Variants in ZNF676 observed in about 807,000 individuals in gnomAD.
The protein encoded by ZNF676 is zinc finger protein 676.
A neutral mutation model predicts 6.0 loss-of-function variants in ZNF676; 4 were observed. That is an observed-to-expected ratio of 0.67 (90% CI 0.33 to 1.53). The LOEUF is 1.53. ZNF676 is among the 40% of genes most tolerant of loss of function. The pLI is 0.06. For missense variants in ZNF676, 644 were observed against 679.7 expected (o/e 0.95, Z 0.58); for synonymous variants, 198 against 223.1 (o/e 0.89, Z 1.00).
chr19:22,196,539 G>C, intron 1 of ZNF676, 61 bp downstream of exon 1: 1 of 1,612,398 alleles, frequency 6.2e-7, no homozygotes, highest in Non-Finnish European at 8.5e-7. Flanking sequence ...GTCCAATAAG[G>C]TCTGCAGCAA....
chr19:22,213,582 G>A (rs577888651), intron 1 of ZNF676, among the ~76,000 whole-genome samples: 19 of 144,904 alleles, frequency 1.3e-4, no homozygotes, highest in African/African-American at 5.2e-4. Context: ...CCATACCTCA[G>A]GTTGTCTTAT....
the ZNF676 span, among the ~76,000 whole-genome samples, chr19:22,247,123 G>A: frequency 6.6e-6 from 1 of 152,170 alleles, no homozygotes; most frequent in African/African-American, 2.4e-5. Flanking sequence ...GTAACTAGTG[G>A]GGTATATTCT....
At chr19:22,219,628 C>T (rs2024228074), upstream of ZNF676, among the ~76,000 whole-genome samples, 1 of 151,410 alleles carries the variant, frequency 6.6e-6, no homozygotes, top group Admixed American at 6.6e-5. Flanking sequence ...TTTTCCTGTT[C>T]AGTGTAATGT....
the ZNF676 span, among the ~76,000 whole-genome samples, chr19:22,254,364 A>G: frequency 1.3e-5 from 2 of 152,256 alleles, no homozygotes; most frequent in East Asian, 3.9e-4. Flanking sequence ...TGCAGGCAAA[A>G]GAAGAGAGTC....
the ZNF676 span, among the ~76,000 whole-genome samples, chr19:22,228,539 C>G: frequency 6.6e-6 from 1 of 152,096 alleles, no homozygotes; most frequent in Non-Finnish European, 1.5e-5. Context: ...AATGAGTATT[C>G]AAATAGGAAA....
chr19:22,245,302 G>A, the ZNF676 span: 15 of 152,176 alleles, frequency 9.9e-5, no homozygotes, highest in African/African-American at 3.6e-4. Flanking sequence ...ACAAAAACAA[G>A]GCAGAAGAAT....
At position 22,193,189 on chromosome 19, in the gene ZNF676, G is replaced by A. The variant is rs910384169; in HGVS notation, c.35-78C>T. 6.3e-5 allele frequency: 86 copies of A among 1,367,644 alleles called. No individual in the cohort carries two copies. The African/African-American group carries it at 1.2e-3, about 19-fold the overall frequency. The allele number at this position is 1,367,644 out of a possible 1,614,324, so 84.7% of individuals were successfully genotyped here. On this transcript the variant is annotated intron_variant, in intron 1 of 2. Coordinates refer to ENST00000397121, the MANE Select transcript of ZNF676 (RefSeq NM_001001411.3). ...AACTTAGTAATGTGCTCAGTAAAGA[G>A]GATGTAATAGAATATTCTAATACAT...
At chr19:22,208,562 A>G (rs563175854) in intron 1 of ZNF676, among the ~76,000 whole-genome samples, 1 of 152,362 alleles carries the variant, frequency 6.6e-6, no homozygotes, top group South Asian at 2.1e-4. Flanking sequence ...TCATAAAGAC[A>G]CATGCACAAT....
intron 2 of ZNF676, among the ~76,000 whole-genome samples, chr19:22,190,359 G>T (rs767750817): frequency 6.6e-6 from 1 of 151,470 alleles, no homozygotes; most frequent in African/African-American, 2.4e-5. Flanking sequence ...TAATAATACT[G>T]TAAAGATGTT....
chr19:22,236,135 T>C, the ZNF676 span, among the ~76,000 whole-genome samples: 2 of 151,838 alleles, frequency 1.3e-5, no homozygotes, highest in African/African-American at 2.4e-5. Flanking sequence ...ACGGATGCAA[T>C]ATTGGTTTTG....
the ZNF676 span, among the ~76,000 whole-genome samples, chr19:22,222,580 T>C: frequency 1.3e-5 from 2 of 152,180 alleles, no homozygotes; most frequent in East Asian, 1.9e-4. Flanking sequence ...GGGGACAATA[T>C]AGTTTTGCAT....
At chr19:22,192,632 TACTCTC>T (rs1201510379) in intron 2 of ZNF676, among the ~76,000 whole-genome samples, 1 of 152,052 alleles carries the variant, frequency 6.6e-6, no homozygotes, top group Admixed American at 6.6e-5. Flanking sequence ...CAGAAACCAC[TACTCTC>T]ACACACTTCA....
upstream of ZNF676, among the ~76,000 whole-genome samples, chr19:22,201,360 CTA>C (rs1321164212): frequency 6.6e-6 from 1 of 152,164 alleles, no homozygotes; most frequent in Non-Finnish European, 1.5e-5. Flanking sequence ...ATTAAAATGT[CTA>C]TGTTGATATC....
the ZNF676 span, among the ~76,000 whole-genome samples, chr19:22,252,367 C>A: frequency 6.8e-6 from 1 of 146,068 alleles, no homozygotes; most frequent in South Asian, 2.2e-4. Context: ...TGCATTCCAG[C>A]CTGGGCAACA....
At chr19:22,227,096 A>T in the ZNF676 span, among the ~76,000 whole-genome samples, 7 of 152,200 alleles carry the variant, frequency 4.6e-5, no homozygotes, top group Non-Finnish European at 1.0e-4. Flanking sequence ...TCTAAAATTG[A>T]CCACATAATT....
the ZNF676 span, among the ~76,000 whole-genome samples, chr19:22,241,330 G>A: frequency 6.6e-6 from 1 of 151,794 alleles, no homozygotes; most frequent in African/African-American, 2.4e-5. Flanking sequence ...TTTCAACAAT[G>A]GGCTGGATTT....
At chr19:22,224,435 T>C in the ZNF676 span, among the ~76,000 whole-genome samples, 1 of 152,136 alleles carries the variant, frequency 6.6e-6, no homozygotes, top group Non-Finnish European at 1.5e-5. Context: ...ACTCCAATTA[T>C]GGTTATGGCT....
At chr19:22,241,895 T>A in the ZNF676 span, among the ~76,000 whole-genome samples, 104,330 of 151,608 alleles carry the variant, frequency 0.69, 36,342 homozygotes, top group South Asian at 0.85. Flanking sequence ...TCAAGAACTC[T>A]CCAGTACACT....
intron 1 of ZNF676, among the ~76,000 whole-genome samples, chr19:22,205,390 T>C (rs866900286): frequency 2.6e-5 from 4 of 152,054 alleles, no homozygotes; most frequent in African/African-American, 4.8e-5. Context: ...TACTCTAAAA[T>C]TGACCACACA....
Sources: allele counts gnomAD v4.1 joint callset (sites outside exome capture counted in the v4.1 genomes callset), GRCh38; gene constraint gnomAD v4.1.1; transcripts MANE v1.5; gene names NCBI Gene and HGNC (gene_info 2026-07-23, HGNC 2026-07-21).